DGKB: variants seen among roughly 807,000 people sequenced by gnomAD.
The protein encoded by DGKB is 90 kDa diacylglycerol kinase.
Under a neutral mutation model 114.3 loss-of-function variants are expected in DGKB, and 67 were observed. The ratio of observed to expected loss-of-function variants is 0.59; its 90% CI spans 0.48 to 0.72. The LOEUF is 0.72. Among genes scored for constraint, DGKB ranks in the 30% least tolerant of loss-of-function variants. The pLI is 0.00. For synonymous variants in DGKB, 398 were observed against 323.1 expected, an observed-to-expected ratio of 1.23 and a Z score of -2.49; for missense variants, 907 against 975.2, an observed-to-expected ratio of 0.93 and a Z score of 0.93.
intron 23 of DGKB, among the ~76,000 whole-genome samples, chr7:14,311,598 G>C (rs1585062830): frequency 6.6e-6 from 1 of 152,016 alleles, no homozygotes; most frequent in East Asian, 1.9e-4. Context: ...AACTTCTTTT[G>C]TGTTTTTTGT....
At chr7:14,340,057 C>T (rs1294162030) in intron 22 of DGKB, among the ~76,000 whole-genome samples, 1 of 151,404 alleles carries the variant, frequency 6.6e-6, no homozygotes, top group African/African-American at 2.4e-5. Context: ...TAAAGAAACA[C>T]ATCTTGAGAC....
chr7:14,965,069 A>T (rs1787076611), intron 1 of DGKB, among the ~76,000 whole-genome samples: 1 of 152,134 alleles, frequency 6.6e-6, no homozygotes, highest in Non-Finnish European at 1.5e-5. Context: ...GTTAACACAA[A>T]TTTCATTTGG....
intron 1 of DGKB, among the ~76,000 whole-genome samples, chr7:14,918,054 C>A (rs753510089): frequency 6.6e-6 from 1 of 152,048 alleles, no homozygotes; most frequent in Non-Finnish European, 1.5e-5. Flanking sequence ...AAATTCAACA[C>A]CCATTCTTCA....
chr7:14,769,143 GAA>G (rs1486650219), intron 2 of DGKB, among the ~76,000 whole-genome samples: 2 of 136,198 alleles, frequency 1.5e-5, no homozygotes, highest in Non-Finnish European at 3.1e-5. Context: ...GAGAAAGAAA[GAA>G]AGAAAGAGGG....
chr7:14,945,058 T>C (rs1785794340), intron 1 of DGKB, among the ~76,000 whole-genome samples: 1 of 151,764 alleles, frequency 6.6e-6, no homozygotes, highest in Non-Finnish European at 1.5e-5. Context: ...TATAACAGCA[T>C]ATTCATAATA....
At chr7:14,500,285 A>T (rs947815030) in intron 20 of DGKB, among the ~76,000 whole-genome samples, 13 of 151,790 alleles carry the variant, frequency 8.6e-5, no homozygotes, top group African/African-American at 3.1e-4. Context: ...CCTTTTTGAT[A>T]AAAGAACAAA....
At chr7:14,518,399 C>T (rs941598303) in intron 20 of DGKB, among the ~76,000 whole-genome samples, 1 of 151,826 alleles carries the variant, frequency 6.6e-6, no homozygotes, top group Non-Finnish European at 1.5e-5. Flanking sequence ...ATCTGTATAT[C>T]AAACCCCCAT....
At chr7:14,344,626 T>G (rs1812168404) in intron 22 of DGKB, among the ~76,000 whole-genome samples, 1 of 151,702 alleles carries the variant, frequency 6.6e-6, no homozygotes, top group African/African-American at 2.4e-5. Flanking sequence ...CTTTTCTTTT[T>G]TCTTTAACCC....
intron 21 of DGKB, among the ~76,000 whole-genome samples, chr7:14,466,238 C>G (rs1780455194): frequency 6.6e-6 from 1 of 152,098 alleles, no homozygotes; most frequent in Admixed American, 6.5e-5. Context: ...AAGCTTTGAT[C>G]AACAGAGCTT....
chr7:14,173,066 A>T (rs1360642529), intron 25 of DGKB, among the ~76,000 whole-genome samples: 2 of 152,216 alleles, frequency 1.3e-5, no homozygotes, highest in African/African-American at 4.8e-5. Context: ...TATGCTTATT[A>T]TCACAAGCAA....
At chr7:14,315,877 T>C (rs1806382117) in intron 23 of DGKB, among the ~76,000 whole-genome samples, 1 of 150,404 alleles carries the variant, frequency 6.6e-6, no homozygotes, top group Non-Finnish European at 1.5e-5. Flanking sequence ...GACCACATAC[T>C]TGGAAGTAAA....
rs887603838 is a variant in DGKB at position 14,886,802 on chromosome 7, T to C, written c.-188+15790A>G. Reference sequence around the variant, plus strand: ...CATAAATTATGCTGTCCACATATCCTCACCTCCCTTAAATCCTCAATTATT... The same window carrying C: ...CATAAATTATGCTGTCCACATATCCCCACCTCCCTTAAATCCTCAATTATT... On this transcript the variant is annotated intron_variant, in intron 1 of 25. Coordinates refer to ENST00000402815, the MANE Select transcript of DGKB (RefSeq NM_001350709.2). Among the ~76,000 whole-genome samples, 5 of 151,758 alleles carry C rather than the reference T, an allele frequency of 3.3e-5. No individual in the cohort carries two copies. The South Asian group carries it at 6.2e-4, about 19-fold the overall frequency.
At chr7:14,273,777 T>G (rs1798601743) in intron 23 of DGKB, among the ~76,000 whole-genome samples, 1 of 152,196 alleles carries the variant, frequency 6.6e-6, no homozygotes. Context: ...TACTAGTAAG[T>G]AGCTTTAAGT....
chr7:14,944,455 G>C (rs958627268), intron 1 of DGKB, among the ~76,000 whole-genome samples: 6 of 151,896 alleles, frequency 4.0e-5, no homozygotes, highest in Non-Finnish European at 8.8e-5. Context: ...TTGAAAATTA[G>C]AAGTTCATAA....
rs145472338 is a variant in DGKB at position 14,679,067 on chromosome 7, G to A, written c.1035+3486C>T. Among the ~76,000 whole-genome samples the A allele has an allele frequency of 4.8e-4, 73 of 152,038 alleles. 1 individual carries two copies. The East Asian group carries it at 8.0e-3, about 17-fold the overall frequency. On this transcript the variant is annotated intron_variant, in intron 12 of 25. Transcript: ENST00000402815. Reference sequence around the variant, plus strand: ...GGATTTAGTGAGATTCAGGACCACAGGATTCTGGATGTTTTTTTGAGTGCA... The same window carrying A: ...GGATTTAGTGAGATTCAGGACCACAAGATTCTGGATGTTTTTTTGAGTGCA...
chr7:14,827,781 A>T (rs1296287440), intron 2 of DGKB, among the ~76,000 whole-genome samples: 1 of 152,152 alleles, frequency 6.6e-6, no homozygotes, highest in East Asian at 1.9e-4. Context: ...CCTGTGTTGT[A>T]GACAATGATG....
chr7:14,726,086 T>A (rs1829987226), intron 5 of DGKB, among the ~76,000 whole-genome samples: 1 of 152,126 alleles, frequency 6.6e-6, no homozygotes, highest in African/African-American at 2.4e-5. Flanking sequence ...GTTGCACAGG[T>A]ACGACTCAAA....
At chr7:14,161,303 C>T (rs979974561) in intron 25 of DGKB, among the ~76,000 whole-genome samples, 13 of 152,108 alleles carry the variant, frequency 8.5e-5, no homozygotes, top group Non-Finnish European at 1.5e-4. Context: ...CCCAGCAGTC[C>T]CATTACTGGG....
intron 2 of DGKB, among the ~76,000 whole-genome samples, chr7:14,827,026 G>A (rs1468141643): frequency 6.6e-6 from 1 of 152,032 alleles, no homozygotes; most frequent in Admixed American, 6.6e-5. Context: ...CAATGGCATT[G>A]CCAGTTTTAA....
Sources: allele counts gnomAD v4.1 joint callset (sites outside exome capture counted in the v4.1 genomes callset), GRCh38; gene constraint gnomAD v4.1.1; transcripts MANE v1.5; gene names NCBI Gene and HGNC (gene_info 2026-07-23, HGNC 2026-07-21).